SH3BP5: variants seen among roughly 807,000 people sequenced by gnomAD.
SH3BP5 encodes SH3 domain-binding protein 5.
Under a neutral mutation model 43.3 loss-of-function variants are expected in SH3BP5, and 22 were observed. The observed-to-expected ratio is 0.51, with a 90% confidence interval of 0.36 to 0.73. The LOEUF (loss-of-function observed/expected upper bound fraction) is 0.73, where lower values mean the gene tolerates loss of function less well. Among genes scored for constraint, SH3BP5 ranks in the 30% least tolerant of loss-of-function variants. The pLI is 0.00. For missense variants in SH3BP5, 529 were observed against 586.9 expected, an observed-to-expected ratio of 0.90 and a Z score of 1.02; for synonymous variants, 255 against 225.8, an observed-to-expected ratio of 1.13 and a Z score of -1.16.
chr3:15,279,803 C>T (rs1437942412), intron 3 of SH3BP5, among the ~76,000 whole-genome samples: 1 of 152,160 alleles, frequency 6.6e-6, no homozygotes, highest in African/African-American at 2.4e-5. Flanking sequence ...AGGGAAGGTT[C>T]ATCAAGCACT....
chr3:15,271,302 A>G (rs1193205170), intron 3 of SH3BP5, among the ~76,000 whole-genome samples: 1 of 152,132 alleles, frequency 6.6e-6, no homozygotes, highest in Non-Finnish European at 1.5e-5. Flanking sequence ...GCTTGAGGTT[A>G]CAGTGAAATA....
At chr3:15,304,872 T>G (rs1697856497) in intron 2 of SH3BP5, among the ~76,000 whole-genome samples, 1 of 142,820 alleles carries the variant, frequency 7.0e-6, no homozygotes. Flanking sequence ...TCTGAGCACC[T>G]ACTGTGTATG....
intron 3 of SH3BP5, among the ~76,000 whole-genome samples, chr3:15,289,089 C>T (rs1697340813): frequency 6.6e-6 from 1 of 152,240 alleles, no homozygotes; most frequent in African/African-American, 2.4e-5. Context: ...TATGCCTGCT[C>T]TGTGGGTAAC....
At chr3:15,314,727 A>G (rs537385733) in intron 2 of SH3BP5, among the ~76,000 whole-genome samples, 33 of 152,336 alleles carry the variant, frequency 2.2e-4, no homozygotes, top group African/African-American at 6.7e-4. Context: ...TACAAATGGA[A>G]AGGAATGGAA....
At chr3:15,261,938 T>G (rs1696457223) in intron 5 of SH3BP5, among the ~76,000 whole-genome samples, 1 of 152,178 alleles carries the variant, frequency 6.6e-6, no homozygotes, top group Non-Finnish European at 1.5e-5. Flanking sequence ...TTTCCTAACT[T>G]AGTCATATCT....
At chr3:15,266,860 C>T (rs1345440029) in intron 4 of SH3BP5, among the ~76,000 whole-genome samples, 2 of 152,238 alleles carry the variant, frequency 1.3e-5, no homozygotes, top group South Asian at 2.1e-4. Flanking sequence ...GATGTCACCA[C>T]AGGAAGTGTG....
chr3:15,270,656 G>A (rs1224664634), intron 3 of SH3BP5, among the ~76,000 whole-genome samples: 4 of 152,110 alleles, frequency 2.6e-5, no homozygotes, highest in Non-Finnish European at 5.9e-5. Flanking sequence ...TCCCAGCCAG[G>A]TGCAGTGGCT....
At chr3:15,295,576 G>A (rs565243954) in intron 3 of SH3BP5, among the ~76,000 whole-genome samples, 3 of 152,204 alleles carry the variant, frequency 2.0e-5, no homozygotes, top group East Asian at 1.9e-4. Context: ...TGGAGAAAAT[G>A]CTTGCGTTAG....
chr3:15,266,026 C>T (rs1429252541), intron 4 of SH3BP5, among the ~76,000 whole-genome samples: 1 of 152,240 alleles, frequency 6.6e-6, no homozygotes, highest in African/African-American at 2.4e-5. Context: ...AGCTCCTCAG[C>T]CTCCTGTTAC....
At chr3:15,305,526 A>G (rs1303137592) in intron 2 of SH3BP5, among the ~76,000 whole-genome samples, 1 of 152,240 alleles carries the variant, frequency 6.6e-6, no homozygotes, top group Non-Finnish European at 1.5e-5. Context: ...CATGGAACTC[A>G]GCAGGGAAGA....
intron 3 of SH3BP5, chr3:15,273,001 T>C: frequency 3.0e-6 from 1 of 331,072 alleles, no homozygotes; most frequent in South Asian, 1.2e-4. Flanking sequence ...TTCTTTCATG[T>C]GAGGACAGCC....
intron 2 of SH3BP5, among the ~76,000 whole-genome samples, chr3:15,309,916 C>G (rs1453028693): frequency 1.4e-5 from 2 of 143,922 alleles, no homozygotes; most frequent in Admixed American, 7.0e-5. Context: ...ACCCCCCCCC[C>G]ATAAGAAAAA....
intron 3 of SH3BP5, among the ~76,000 whole-genome samples, chr3:15,300,566 C>T (rs1201327103): frequency 1.3e-5 from 2 of 152,094 alleles, no homozygotes; most frequent in Non-Finnish European, 2.9e-5. Context: ...AAGTGGACAT[C>T]GCCCCCCTCA....
intron 3 of SH3BP5, among the ~76,000 whole-genome samples, chr3:15,284,670 T>C (rs1009726134): frequency 2.0e-5 from 3 of 152,204 alleles, no homozygotes; most frequent in East Asian, 1.9e-4. Context: ...TGCCAGCCAG[T>C]ACCTCACACA....
At position 15,291,799 on chromosome 3, in the gene SH3BP5, C is replaced by T. The variant is rs183636304; in HGVS notation, c.330+12304G>A. ...TGTAAGTCAGAACCACTTGAAGCCCCAGAGACCATAAATCTCTAAGTCTTA... is the reference window on the plus strand; with the variant it reads ...TGTAAGTCAGAACCACTTGAAGCCCTAGAGACCATAAATCTCTAAGTCTTA... On this transcript the variant is annotated intron_variant, in intron 3 of 8. Coordinates refer to ENST00000383791, the MANE Select transcript of SH3BP5 (RefSeq NM_004844.5). Among the ~76,000 whole-genome samples the T allele has an allele frequency of 3.2e-3, 490 of 152,314 alleles. 5 individuals are homozygous for T. The highest frequency in any genetic ancestry group is 0.011 in the African/African-American group (471 of 41,572).
intron 3 of SH3BP5, among the ~76,000 whole-genome samples, chr3:15,291,720 G>C (rs1697418189): frequency 6.6e-6 from 1 of 152,178 alleles, no homozygotes; most frequent in Non-Finnish European, 1.5e-5. Flanking sequence ...CCTGAGTTGG[G>C]AATATGCAGT....
At position 15,337,847 on chromosome 3, in the gene SH3BP5, C is replaced by T. The variant is rs377012252; in HGVS notation, c.-402+3376G>A. Among the ~76,000 whole-genome samples the T allele has an allele frequency of 2.1e-4, 30 of 139,694 alleles. No homozygotes were observed. In the East Asian group the frequency reaches 2.2e-3, roughly 10 times the overall value. 91.6% of individuals were successfully genotyped at this position (139,694 alleles called of 152,430 possible). On this transcript the variant is annotated intron_variant, in intron 1 of 8. Coordinates refer to the SH3BP5 transcript ENST00000408919. ...GGAGGATCCCCTGAGCCCAGGAGCT[C>T]GAGGCTGCAGTGAACTAAGGAAGTG...
intron 3 of SH3BP5, 149 bp from the exon 4 acceptor site, chr3:15,270,026 C>T (rs1696755415): frequency 6.4e-6 from 4 of 627,442 alleles, no homozygotes; most frequent in Non-Finnish European, 7.9e-6. Flanking sequence ...CTCATAGATG[C>T]CAGACAGGGC....
intron 6 of SH3BP5, 166 bp downstream of exon 6, chr3:15,259,595 C>T: frequency 1.3e-6 from 1 of 764,668 alleles, no homozygotes; most frequent in Non-Finnish European, 2.4e-6. Context: ...TCAGAGACCA[C>T]TGAAGACCCA....
Sources: allele counts gnomAD v4.1 joint callset (sites outside exome capture counted in the v4.1 genomes callset), GRCh38; gene constraint gnomAD v4.1.1; transcripts MANE v1.5; gene names NCBI Gene and HGNC (gene_info 2026-07-23, HGNC 2026-07-21).